Variants in CORIN observed in about 807,000 individuals in gnomAD.
CORIN encodes atrial natriuretic peptide-converting enzyme.
In CORIN, 117 loss-of-function variants were observed where a neutral mutation model predicts 125.3. The ratio of observed to expected loss-of-function variants is 0.93; its 90% CI spans 0.80 to 1.09. The LOEUF (loss-of-function observed/expected upper bound fraction) is 1.09. Among genes scored for constraint, CORIN ranks in the 50% least tolerant of loss-of-function variants. The pLI, the probability that CORIN is intolerant of heterozygous loss-of-function variation, is 0.00. For missense variants in CORIN, 1,253 were observed against 1,306.7 expected, an observed-to-expected ratio of 0.96 and a Z score of 0.63; for synonymous variants, 450 against 466.4, an observed-to-expected ratio of 0.96 and a Z score of 0.45.
intron 4 of CORIN, among the ~76,000 whole-genome samples, chr4:47,757,046 T>C (rs1407817118): frequency 2.0e-5 from 3 of 152,236 alleles, no homozygotes; most frequent in African/African-American, 7.2e-5. Context: ...AATAGTATTA[T>C]GTAGGTATTG....
chr4:47,690,843 C>T (rs1725734173), intron 6 of CORIN, among the ~76,000 whole-genome samples: 1 of 152,224 alleles, frequency 6.6e-6, no homozygotes, highest in Non-Finnish European at 1.5e-5. Flanking sequence ...TGAAACACCA[C>T]AAGCATTCAA....
chr4:47,682,653 A>G (rs917798090), intron 7 of CORIN: 1 of 152,166 alleles, frequency 6.6e-6, no homozygotes, highest in African/African-American at 2.4e-5. Flanking sequence ...GAGGTGATGG[A>G]TACACTAATT....
At chr4:47,621,258 A>G (rs12331639) in intron 19 of CORIN, among the ~76,000 whole-genome samples, 40,888 of 151,874 alleles carry the variant, frequency 0.27, 5,647 homozygotes, top group Admixed American at 0.35. Context: ...AGGTAATACA[A>G]CTTCTTCCTG....
In CORIN at chr4:47,700,515, G is replaced by A. The variant is rs114693131; in HGVS notation, c.800-7432C>T. 7.2e-3 allele frequency among the ~76,000 whole-genome samples: 1,094 copies of A among 152,286 alleles called. 13 individuals are homozygous for A. The highest frequency in any genetic ancestry group is 0.025 in the African/African-American group (1,037 of 41,562). ...TTTGCAGGGATCTCTCCCTCCTTAG[G>A]ATGGTACAAGGATGCAAGGGGCTTA... On this transcript the variant is annotated intron_variant, in intron 5 of 21. Coordinates refer to ENST00000273857, the MANE Select transcript of CORIN (RefSeq NM_006587.4).
At chr4:47,643,464 G>C (rs921836980) in intron 14 of CORIN, among the ~76,000 whole-genome samples, 8 of 152,098 alleles carry the variant, frequency 5.3e-5, no homozygotes, top group Non-Finnish European at 8.8e-5. Context: ...CATTTAAACA[G>C]AATTACTATG....
chr4:47,767,988 A>C (rs893224762), intron 3 of CORIN, among the ~76,000 whole-genome samples: 12 of 152,226 alleles, frequency 7.9e-5, no homozygotes, highest in African/African-American at 2.9e-4. Flanking sequence ...ATACATCCAG[A>C]TGGCCTGAAG....
chr4:47,667,675 T>A (rs1182865092), intron 10 of CORIN, among the ~76,000 whole-genome samples: 1 of 151,756 alleles, frequency 6.6e-6, no homozygotes, highest in Non-Finnish European at 1.5e-5. Flanking sequence ...TAAAAAAAAA[T>A]GATGCATGAA....
chr4:47,613,925 A>T (rs1035194559), intron 19 of CORIN, among the ~76,000 whole-genome samples: 1 of 151,572 alleles, frequency 6.6e-6, no homozygotes, highest in Non-Finnish European at 1.5e-5. Context: ...AACCTGCACA[A>T]TGTGCACATG....
At chr4:47,627,931 G>C (rs1038230215) in intron 16 of CORIN, among the ~76,000 whole-genome samples, 15 of 152,084 alleles carry the variant, frequency 9.9e-5, no homozygotes, top group Admixed American at 9.8e-4. Context: ...ATCATTGCAA[G>C]GAACACCAGC....
intron 1 of CORIN, among the ~76,000 whole-genome samples, chr4:47,809,456 G>A (rs1241232954): frequency 1.4e-5 from 2 of 143,804 alleles, no homozygotes; most frequent in East Asian, 4.2e-4. Context: ...CCAGGCTGGA[G>A]TGCAGTGGCA....
intron 13 of CORIN, among the ~76,000 whole-genome samples, chr4:47,646,196 T>C (rs891301926): frequency 9.9e-5 from 15 of 152,254 alleles, no homozygotes; most frequent in African/African-American, 2.9e-4. Flanking sequence ...GTTATGCTTT[T>C]AAGCAAATAT....
chr4:47,653,218 C>T (rs558631445), intron 13 of CORIN, among the ~76,000 whole-genome samples: 1 of 152,116 alleles, frequency 6.6e-6, no homozygotes, highest in African/African-American at 2.4e-5. Context: ...ATCATAGGTA[C>T]ATATGTGTAG....
intron 5 of CORIN, among the ~76,000 whole-genome samples, chr4:47,738,490 A>G (rs1254685109): frequency 6.6e-6 from 1 of 152,220 alleles, no homozygotes; most frequent in African/African-American, 2.4e-5. Flanking sequence ...CATGACAAAG[A>G]ACAAACTTAA....
chr4:47,604,806 A>G (rs1446420842), intron 19 of CORIN, among the ~76,000 whole-genome samples: 1 of 152,100 alleles, frequency 6.6e-6, no homozygotes, highest in Non-Finnish European at 1.5e-5. Flanking sequence ...CATTTTCCTT[A>G]CTATCAGGAT....
intron 1 of CORIN, among the ~76,000 whole-genome samples, chr4:47,821,489 TA>T (rs923626451): frequency 4.8e-4 from 73 of 151,628 alleles, no homozygotes; most frequent in African/African-American, 1.4e-3. Flanking sequence ...TACATACTTA[TA>T]AAAAAAACTG....
intron 12 of CORIN, among the ~76,000 whole-genome samples, chr4:47,660,803 T>A (rs185275536): frequency 6.6e-6 from 1 of 152,154 alleles, no homozygotes; most frequent in Admixed American, 6.5e-5. Flanking sequence ...ACCTAATACA[T>A]GACCCAGCAA....
rs140155176 is a variant in CORIN at position 47,837,160 on chromosome 4, C to T, written c.63+727G>A. ...AGAGCCTGCGCCCCCGGCGGCCAGC[C>T]CTCCTGTGCCTAGGCAGGTTCACGC... On this transcript the variant is annotated intron_variant, in intron 1 of 21. Coordinates refer to ENST00000273857, the MANE Select transcript of CORIN (RefSeq NM_006587.4). Among the ~76,000 whole-genome samples, 385 of 152,348 alleles carry T rather than the reference C, an allele frequency of 2.5e-3. 6 individuals carry two copies. The highest frequency in any genetic ancestry group is 0.022 in the Admixed American group (344 of 15,312).
At position 47,653,783 on chromosome 4, in the gene CORIN, C is replaced by T. The variant is rs185891294; in HGVS notation, c.1736-123G>A. The T allele has an allele frequency of 6.5e-5, 49 of 754,690 alleles. No individual in the cohort carries two copies. The East Asian group carries it at 1.1e-3, about 18-fold the overall frequency. The allele number at this position is 754,690 out of a possible 1,614,324, so 46.7% of individuals were successfully genotyped here. Reference sequence around the variant, plus strand: ...AAGATAAGGGTGGTCTCTTGCAAAACGAAATAGCCATTTTGCTTTGGCATT... The same window carrying T: ...AAGATAAGGGTGGTCTCTTGCAAAATGAAATAGCCATTTTGCTTTGGCATT... On this transcript the variant is annotated intron_variant, in intron 12 of 21. Transcript: ENST00000273857.
At chr4:47,747,880 C>A (rs1225242671) in intron 4 of CORIN, among the ~76,000 whole-genome samples, 1 of 152,160 alleles carries the variant, frequency 6.6e-6, no homozygotes, top group Non-Finnish European at 1.5e-5. Context: ...AAAATTCATT[C>A]TTTAAGGCAA....
Sources: gnomAD v4.1 joint callset for allele counts (sites outside exome capture counted in the v4.1 genomes callset) on GRCh38, gnomAD v4.1.1 for gene constraint, MANE v1.5 for transcripts, NCBI Gene and HGNC (gene_info 2026-07-23, HGNC 2026-07-21) for gene names.